ATE1: variants seen among roughly 807,000 people sequenced by gnomAD.
ATE1 encodes the protein arginyl-tRNA--protein transferase 1.
ATE1 carries 36 observed loss-of-function variants against 70.5 expected under a neutral mutation model. The ratio of observed to expected loss-of-function variants is 0.51; its 90% confidence interval spans 0.39 to 0.67. ATE1 has a LOEUF of 0.67. ATE1 is among the 30% of genes least tolerant of loss of function. The pLI is 0.00. For missense variants in ATE1, 593 were observed against 629.5 expected (o/e 0.94, Z 0.62); for synonymous variants, 232 against 219.3 (o/e 1.06, Z -0.51).
intron 10 of ATE1, among the ~76,000 whole-genome samples, chr10:121,793,610 A>C (rs1483573103): frequency 6.6e-6 from 1 of 152,200 alleles, no homozygotes; most frequent in Non-Finnish European, 1.5e-5. Context: ...GTATCTTCAT[A>C]TATTTAGAGG....
chr10:121,812,046 C>T (rs1947343378), intron 10 of ATE1, among the ~76,000 whole-genome samples: 1 of 150,656 alleles, frequency 6.6e-6, no homozygotes, highest in South Asian at 2.1e-4. Context: ...ACCTTTGCCT[C>T]CAGGGCTCAA....
At chr10:121,765,422 G>A (rs1160987277) in intron 11 of ATE1, among the ~76,000 whole-genome samples, 2 of 152,234 alleles carry the variant, frequency 1.3e-5, no homozygotes, top group Non-Finnish European at 1.5e-5. Flanking sequence ...TCGTGGGGAG[G>A]TTTAAACTAT....
intron 10 of ATE1, among the ~76,000 whole-genome samples, chr10:121,812,052 C>A (rs1033598191): frequency 5.4e-5 from 8 of 147,766 alleles, no homozygotes; most frequent in African/African-American, 1.5e-4. Context: ...GCCTCCAGGG[C>A]TCAAGTGATC....
chr10:121,845,857 G>A (rs764563766), intron 8 of ATE1, among the ~76,000 whole-genome samples: 39 of 152,226 alleles, frequency 2.6e-4, no homozygotes, highest in Admixed American at 1.4e-3. Flanking sequence ...GTTACACAAA[G>A]AAATATTTAT....
chr10:121,797,725 G>GCGGT (rs1946716495), intron 10 of ATE1, among the ~76,000 whole-genome samples: 1 of 151,780 alleles, frequency 6.6e-6, no homozygotes, highest in Non-Finnish European at 1.5e-5. Context: ...TGGCTTCCTT[G>GCGGT]CGGTCCCTTG....
At chr10:121,759,982 GCTTTA>G (rs150701027) in intron 11 of ATE1, among the ~76,000 whole-genome samples, 3,824 of 152,218 alleles carry the variant, frequency 0.025, 162 homozygotes, top group East Asian at 0.22. Context: ...TAAATTTTGT[GCTTTA>G]TAAATGGAAC....
At chr10:121,902,108 A>C (rs575226126) in intron 6 of ATE1, among the ~76,000 whole-genome samples, 2 of 152,364 alleles carry the variant, frequency 1.3e-5, no homozygotes, top group South Asian at 2.1e-4. Context: ...TTAACTATTA[A>C]ATTTCAATCA....
chr10:121,855,672 A>G (rs1225810580), intron 8 of ATE1, among the ~76,000 whole-genome samples: 1 of 152,238 alleles, frequency 6.6e-6, no homozygotes, highest in Non-Finnish European at 1.5e-5. Context: ...GCTCTGTAAA[A>G]TTGATTTACA....
intron 1 of ATE1, among the ~76,000 whole-genome samples, chr10:121,926,429 A>C (rs928540992): frequency 1.3e-5 from 2 of 152,160 alleles, no homozygotes; most frequent in Admixed American, 6.6e-5. Context: ...TCACCTACCA[A>C]GTAAGTAGAT....
chr10:121,744,446 C>A (rs993987011), intron 11 of ATE1, among the ~76,000 whole-genome samples: 27 of 152,070 alleles, frequency 1.8e-4, no homozygotes, highest in African/African-American at 6.5e-4. Flanking sequence ...GAACACTGGC[C>A]TCCTGCACCT....
intron 11 of ATE1, among the ~76,000 whole-genome samples, chr10:121,753,921 TG>T (rs1944691058): frequency 6.6e-6 from 1 of 152,204 alleles, no homozygotes; most frequent in African/African-American, 2.4e-5. Flanking sequence ...GGGCCAATTC[TG>T]CCCCATGTGG....
chr10:121,924,526 C>T (rs935337163), intron 1 of ATE1, among the ~76,000 whole-genome samples, 197 bp from the exon 2 acceptor site: 1 of 151,908 alleles, frequency 6.6e-6, no homozygotes, highest in Non-Finnish European at 1.5e-5. Context: ...TGGTGAAACC[C>T]CATCTCTACT....
chr10:121,860,070 G>T, intron 8 of ATE1, among the ~76,000 whole-genome samples: 1 of 152,212 alleles, frequency 6.6e-6, no homozygotes, highest in Non-Finnish European at 1.5e-5. Context: ...AGAAAGTATA[G>T]TAGGTTGGGG....
At chr10:121,893,222 A>G (rs1159368213) in intron 7 of ATE1, among the ~76,000 whole-genome samples, 1 of 150,814 alleles carries the variant, frequency 6.6e-6, no homozygotes, top group African/African-American at 2.4e-5. Context: ...GGTTGCAGTG[A>G]GCCAAGATCA....
At position 121,864,472 on chromosome 10, in the gene ATE1, T is replaced by C. The variant is rs944973288; in HGVS notation, c.975+5534A>G. ...TTCCTAACAGGCCACAGAGCAGTACTGGTCCCAGTCTGGGAACTGGGGACC... is the reference window on the plus strand; with the variant it reads ...TTCCTAACAGGCCACAGAGCAGTACCGGTCCCAGTCTGGGAACTGGGGACC... On this transcript the variant is annotated intron_variant, in intron 8 of 11. Transcript: ENST00000224652. Among the ~76,000 whole-genome samples the C allele has an allele frequency of 5.3e-5, 8 of 152,360 alleles. No individual in the cohort carries two copies. In the East Asian group the frequency reaches 1.5e-3, roughly 29 times the overall value.
At chr10:121,899,265 T>A (rs12771438) in intron 7 of ATE1, among the ~76,000 whole-genome samples, 1 of 152,160 alleles carries the variant, frequency 6.6e-6, no homozygotes, top group African/African-American at 2.4e-5. Context: ...TTAATCATGG[T>A]GATGATCGCT....
chr10:121,778,039 A>C (rs905199076), intron 11 of ATE1, among the ~76,000 whole-genome samples: 1 of 152,270 alleles, frequency 6.6e-6, no homozygotes, highest in Non-Finnish European at 1.5e-5. Context: ...TGTTACTTTA[A>C]TAGATTGTTA....
chr10:121,924,016 G>C (rs1459444554), intron 2 of ATE1, among the ~76,000 whole-genome samples: 1 of 152,206 alleles, frequency 6.6e-6, no homozygotes, highest in Non-Finnish European at 1.5e-5. Context: ...ATGATTGGCA[G>C]AACGTTAATA....
chr10:121,864,799 C>T (rs1430406213), intron 8 of ATE1, among the ~76,000 whole-genome samples: 1 of 151,804 alleles, frequency 6.6e-6, no homozygotes, highest in Non-Finnish European at 1.5e-5. Flanking sequence ...ATTTTGTCCC[C>T]CTAGGGACAT....
Sources: gnomAD v4.1 joint callset for allele counts (sites outside exome capture counted in the v4.1 genomes callset) on GRCh38, gnomAD v4.1.1 for gene constraint, MANE v1.5 for transcripts, NCBI Gene and HGNC (gene_info 2026-07-23, HGNC 2026-07-21) for gene names.